The following SNUPN variants were observed in gnomAD, a reference collection of about 807,000 sequenced individuals.
The protein encoded by SNUPN is snurportin-1.
SNUPN carries 31 observed loss-of-function variants against 39.2 expected under a neutral mutation model. That is an observed-to-expected ratio of 0.79 (90% confidence interval 0.59 to 1.07). SNUPN has a LOEUF of 1.07. Ranked by LOEUF, SNUPN falls within the 50% of genes least tolerant of loss-of-function variation. SNUPN has a pLI of 0.00. For synonymous variants in SNUPN, 132 were observed against 159.0 expected (o/e 0.83, Z 1.28); for missense variants, 382 against 434.2 (o/e 0.88, Z 1.07).
chr15:75,614,709 C>G (rs1892881797), intron 3 of SNUPN, among the ~76,000 whole-genome samples: 2 of 151,420 alleles, frequency 1.3e-5, no homozygotes, highest in Admixed American at 1.3e-4. Flanking sequence ...TGTGACTACA[C>G]TAAAAAAAAA....
chr15:75,599,077 G>A (rs531610904), intron 8 of SNUPN, among the ~76,000 whole-genome samples: 5 of 151,654 alleles, frequency 3.3e-5, no homozygotes, highest in East Asian at 3.9e-4. Flanking sequence ...TCTGAGACAC[G>A]ACAACCGCTT....
chr15:75,613,258 CAA>C lies in SNUPN; in HGVS notation c.304-3266_304-3265del, dbSNP rs905447706. On this transcript the variant is annotated intron_variant, in intron 3 of 8. Transcript: ENST00000308588. ...TGGGCGACAGAGCAAGACTCCATCT[CAA>C]AAAAAAAAAAAAAAAAAAAAAAGAG... Among the ~76,000 whole-genome samples, 55 of 40,616 alleles carry C rather than the reference CAA, an allele frequency of 1.4e-3. 1 individual carries two copies. Among genetic ancestry groups the C allele is most frequent in the Non-Finnish European group, 1.2e-3 (31 of 25,732 alleles). 26.6% of individuals were successfully genotyped at this position (40,616 alleles called of 152,430 possible).
Position 75,604,192 on chromosome 15 carries a change from G to A in SNUPN, c.678+958C>T, listed in dbSNP as rs146842190. ...TTTTTTTTTTTTGTGACAGAGTCTC[G>A]CTCTGTTGCCCAGGCTGGAGTACAG... On this transcript the variant is annotated intron_variant, in intron 7 of 8. Coordinates refer to ENST00000308588, the MANE Select transcript of SNUPN (RefSeq NM_005701.4). 2.0e-4 allele frequency among the ~76,000 whole-genome samples: 25 copies of A among 122,810 alleles called. No individual in the cohort carries two copies. In the East Asian group the frequency reaches 5.2e-3, roughly 26 times the overall value. The allele number at this position is 122,810 out of a possible 152,430, so 80.6% of individuals were successfully genotyped here.
chr15:75,601,090 C>G (rs1372935225), intron 8 of SNUPN, 48 bp downstream of exon 8: 1 of 1,306,070 alleles, frequency 7.7e-7, no homozygotes, highest in African/African-American at 1.4e-5. Flanking sequence ...CTAAGTCTCT[C>G]TGCAGCCTAT....
chr15:75,609,499 C>A, intron 5 of SNUPN, 59 bp downstream of exon 5: 1 of 1,463,252 alleles, frequency 6.8e-7, no homozygotes, highest in Non-Finnish European at 9.6e-7. Context: ...CAAAGTGGGT[C>A]TTTAAAGCAA....
rs138384328 is a variant in SNUPN, at chr15:75,598,636, C to T, written c.805G>A (p.Gly269Arg). 246 of 1,611,986 alleles carry T rather than the reference C, an allele frequency of 1.5e-4. No individual in the cohort carries two copies. The highest frequency in any genetic ancestry group is 5.0e-4 in the Middle Eastern group (3 of 6,056). ...FYHKQTHYSP[G>R]STPLVGWLRP... ...AGCCAGCCCACCAAGGGAGTGCTTC[C>T]GGGGCTGTAGTGGGTCTGTTTGTGG... is the stretch of plus-strand genomic sequence containing the variant. Residue 269 changes from glycine (G) to arginine (R), a missense_variant, in exon 9 of 9, where the codon GGA (glycine) becomes AGA (arginine). By Grantham distance (125) the Gly-to-Arg change is moderately radical. Transcript: ENST00000308588.
At position 75,598,404 on chromosome 15, in the gene SNUPN, C is replaced by A; in HGVS notation, c.1037G>T (p.Gly346Val). 6.2e-7 allele frequency: 1 copy of A among 1,614,184 alleles called. No individual in the cohort carries two copies. Among genetic ancestry groups the A allele is most frequent in the Non-Finnish European group, 8.5e-7 (1 of 1,180,040 alleles). ...AGGGTGGTCTGGGCTATGGGAAGAACCCTTCAACTTGGGAGTAGACAGGTG... is the reference window on the plus strand; with the variant it reads ...AGGGTGGTCTGGGCTATGGGAAGAAACCTTCAACTTGGGAGTAGACAGGTG... ...LEHLSTPKLKGSSHSPDHPGC... is the reference protein window; with the variant it reads ...LEHLSTPKLKVSSHSPDHPGC... The change falls in exon 9 of 9, where the codon GGT (glycine) becomes GTT (valine). Residue 346 changes from glycine (G) to valine (V), a missense_variant. Transcript: ENST00000308588.
At chr15:75,625,418 C>T (rs1261281550) in intron 1 of SNUPN, 1 of 151,624 alleles carries the variant, frequency 6.6e-6, no homozygotes, top group African/African-American at 2.4e-5. Flanking sequence ...CTGCCTTTTT[C>T]TAGGCATGGG....
rs1035041487 is a variant in SNUPN, at chr15:75,623,230, C to T, written c.-5-2174G>A. ...CACGATCTTGGCTCACCACAACCTCCGCCTCCCAGGTTCAAGTGATTCTCC... is the reference window on the plus strand; with the variant it reads ...CACGATCTTGGCTCACCACAACCTCTGCCTCCCAGGTTCAAGTGATTCTCC... On this transcript the variant is annotated intron_variant, in intron 1 of 8. Transcript: ENST00000308588. Among the ~76,000 whole-genome samples, 9 of 152,292 alleles carry T rather than the reference C, an allele frequency of 5.9e-5. No homozygotes were observed. The East Asian group carries it at 1.2e-3, about 20-fold the overall frequency.
intron 1 of SNUPN, chr15:75,622,454 G>A: frequency 3.0e-6 from 3 of 985,388 alleles, no homozygotes; most frequent in Non-Finnish European, 3.6e-6. Context: ...TGGAGTAGAT[G>A]TCATTTTGAA....
At chr15:75,613,099 T>C (rs989845254) in intron 3 of SNUPN, among the ~76,000 whole-genome samples, 16 of 150,720 alleles carry the variant, frequency 1.1e-4, no homozygotes, top group African/African-American at 3.9e-4. Flanking sequence ...CTACTGAAAA[T>C]ACAAAAAAAA....
chr15:75,615,594 A>AT (rs141302808), intron 3 of SNUPN, among the ~76,000 whole-genome samples: 23,242 of 74,352 alleles, frequency 0.31, 6,166 homozygotes, highest in African/African-American at 0.48. Flanking sequence ...AAGGAATCTC[A>AT]TTTTTTTTTT....
At chr15:75,606,501 C>T (rs1203776819) in intron 6 of SNUPN, among the ~76,000 whole-genome samples, 1 of 151,950 alleles carries the variant, frequency 6.6e-6, no homozygotes, top group Non-Finnish European at 1.5e-5. Flanking sequence ...AGTACCAAAA[C>T]CCCCAAACCC....
chr15:75,610,758 T>C (rs1166677646), intron 3 of SNUPN, among the ~76,000 whole-genome samples: 1 of 152,134 alleles, frequency 6.6e-6, no homozygotes, highest in African/African-American at 2.4e-5. Flanking sequence ...CTACAGGATG[T>C]TAGGAAATCT....
At chr15:75,602,541 AAT>A (rs2075296985) in intron 7 of SNUPN, among the ~76,000 whole-genome samples, 1 of 151,680 alleles carries the variant, frequency 6.6e-6, no homozygotes, top group African/African-American at 2.4e-5. Flanking sequence ...AAAAAAAAAA[AAT>A]ATTACTGATG....
intron 2 of SNUPN, among the ~76,000 whole-genome samples, chr15:75,618,914 C>G (rs1283402789): frequency 6.7e-6 from 1 of 150,352 alleles, no homozygotes; most frequent in Non-Finnish European, 1.5e-5. Context: ...ATACCTAGCA[C>G]CACGAAAAAG....
chr15:75,610,208 G>A (rs1892742265), intron 3 of SNUPN, among the ~76,000 whole-genome samples: 1 of 151,892 alleles, frequency 6.6e-6, no homozygotes. Flanking sequence ...GACCAGCCTG[G>A]CCAACATAGT....
chr15:75,616,404 G>A (rs1481241168), intron 3 of SNUPN, among the ~76,000 whole-genome samples: 1 of 151,798 alleles, frequency 6.6e-6, no homozygotes, highest in Non-Finnish European at 1.5e-5. Flanking sequence ...GTTGCAGTGA[G>A]CCACGATCGT....
chr15:75,621,467 G>T (rs1893069642), intron 1 of SNUPN, among the ~76,000 whole-genome samples: 1 of 151,940 alleles, frequency 6.6e-6, no homozygotes, highest in Non-Finnish European at 1.5e-5. Flanking sequence ...TCCCTATGTT[G>T]CCTAGGCTAG....
Sources: allele counts gnomAD v4.1 joint callset (sites outside exome capture counted in the v4.1 genomes callset), GRCh38; gene constraint gnomAD v4.1.1; transcripts MANE v1.5; gene names NCBI Gene and HGNC (gene_info 2026-07-23, HGNC 2026-07-21).